SLC2A9: variants seen among roughly 807,000 people sequenced by gnomAD.
SLC2A9 encodes solute carrier family 2 member 9.
A neutral mutation model predicts 50.6 loss-of-function variants in SLC2A9; 39 were observed. The ratio of observed to expected loss-of-function variants is 0.77; its 90% CI spans 0.60 to 1.01. SLC2A9 has a LOEUF of 1.01. Ranked by LOEUF, SLC2A9 falls within the 50% of genes least tolerant of loss-of-function variation. The pLI, the probability that SLC2A9 is intolerant of heterozygous loss-of-function variation, is 0.00. For missense variants in SLC2A9, 686 were observed against 677.6 expected, an observed-to-expected ratio of 1.01 and a Z score of -0.14; for synonymous variants, 324 against 276.9, an observed-to-expected ratio of 1.17 and a Z score of -1.69.
chr4:9,898,423 A>T (rs1212834874), intron 8 of SLC2A9, among the ~76,000 whole-genome samples: 1 of 152,254 alleles, frequency 6.6e-6, no homozygotes, highest in African/African-American at 2.4e-5. Flanking sequence ...CTTTCATATT[A>T]TTTCACATAC....
chr4:9,829,144 CT>C (rs1388873954), intron 11 of SLC2A9, among the ~76,000 whole-genome samples: 1 of 152,194 alleles, frequency 6.6e-6, no homozygotes, highest in Non-Finnish European at 1.5e-5. Flanking sequence ...TAGCTCACAC[CT>C]GTAATCCCAG....
At chr4:10,013,931 AC>A (rs58289558) in intron 2 of SLC2A9, among the ~76,000 whole-genome samples, 2,540 of 151,826 alleles carry the variant, frequency 0.017, 59 homozygotes, top group African/African-American at 0.057. Flanking sequence ...TCCACACACC[AC>A]CCCCTGGTGG....
At chr4:9,880,226 T>G in intron 10 of SLC2A9, 1 of 985,480 alleles carries the variant, frequency 1.0e-6, no homozygotes, top group Non-Finnish European at 1.2e-6. Flanking sequence ...AACTGTACAC[T>G]CTCAATGTGA....
chr4:10,005,522 A>C (rs547320075), intron 2 of SLC2A9, among the ~76,000 whole-genome samples: 4 of 152,356 alleles, frequency 2.6e-5, no homozygotes, highest in Non-Finnish European at 5.9e-5. Context: ...TGTGAAGGAC[A>C]TTTCAGGGAT....
intron 1 of SLC2A9, among the ~76,000 whole-genome samples, chr4:9,771,902 G>T (rs1716874711): frequency 6.6e-6 from 1 of 152,228 alleles, no homozygotes; most frequent in Non-Finnish European, 1.5e-5. Context: ...GAACTAGGCT[G>T]GGAGAAGAGG....
intron 5 of SLC2A9, among the ~76,000 whole-genome samples, chr4:9,947,985 G>T (rs1322090504): frequency 1.3e-5 from 2 of 152,058 alleles, no homozygotes; most frequent in African/African-American, 4.8e-5. Context: ...TTCAGATAAG[G>T]TTGCCTCCAT....
At chr4:10,020,692 C>T (rs1002730808) in intron 1 of SLC2A9, among the ~76,000 whole-genome samples, 2 of 152,200 alleles carry the variant, frequency 1.3e-5, no homozygotes, top group African/African-American at 2.4e-5. Flanking sequence ...TGCTGGGCAT[C>T]GTTTCTGTGC....
chr4:9,786,859 G>A (rs1412925699), intron 3 of SLC2A9, among the ~76,000 whole-genome samples: 2 of 152,196 alleles, frequency 1.3e-5, no homozygotes, highest in East Asian at 3.8e-4. Context: ...GGTGTCAGGT[G>A]CTCCTGCCAT....
intron 1 of SLC2A9, among the ~76,000 whole-genome samples, chr4:9,772,631 C>T (rs1716974194): frequency 6.6e-6 from 1 of 152,204 alleles, no homozygotes. Context: ...GGCTTCCCAG[C>T]TGACTGCAAA....
chr4:9,943,364 C>T (rs1027023927), intron 5 of SLC2A9, among the ~76,000 whole-genome samples: 1 of 152,224 alleles, frequency 6.6e-6, no homozygotes, highest in Non-Finnish European at 1.5e-5. Context: ...CCTCTGGTTC[C>T]GCCAGCCAGC....
At chr4:9,946,634 C>T (rs1749214662) in intron 5 of SLC2A9, among the ~76,000 whole-genome samples, 1 of 152,204 alleles carries the variant, frequency 6.6e-6, no homozygotes, top group African/African-American at 2.4e-5. Flanking sequence ...TATATTTCTT[C>T]ATATTTAGGC....
At chr4:9,809,905 G>A (rs1166309951) in intron 3 of SLC2A9, among the ~76,000 whole-genome samples, 2 of 150,140 alleles carry the variant, frequency 1.3e-5, no homozygotes, top group Admixed American at 6.6e-5. Context: ...CTCCGGTCTA[G>A]ACAGATGCAT....
chr4:9,876,440 A>T (rs963087305), intron 10 of SLC2A9, among the ~76,000 whole-genome samples: 1 of 152,170 alleles, frequency 6.6e-6, no homozygotes, highest in Non-Finnish European at 1.5e-5. Flanking sequence ...AAAAAAATTT[A>T]AAAAGTAGCC....
intron 5 of SLC2A9, among the ~76,000 whole-genome samples, chr4:9,957,399 C>T (rs2108896877): frequency 6.6e-6 from 1 of 152,250 alleles, no homozygotes; most frequent in African/African-American, 2.4e-5. Flanking sequence ...GAAGCCTTGT[C>T]CCTCACCCAC....
intron 3 of SLC2A9, among the ~76,000 whole-genome samples, chr4:9,818,078 T>C (rs1485410874): frequency 6.6e-6 from 1 of 152,198 alleles, no homozygotes; most frequent in Non-Finnish European, 1.5e-5. Context: ...AGTCACCTCC[T>C]TGTCGGAGGC....
intron 6 of SLC2A9, among the ~76,000 whole-genome samples, chr4:9,920,821 C>T (rs1743800653): frequency 6.6e-6 from 1 of 152,236 alleles, no homozygotes; most frequent in Non-Finnish European, 1.5e-5. Context: ...GAACGTGGGT[C>T]TCTTGACTGT....
chr4:10,021,302 A>C lies in SLC2A9; in HGVS notation c.128T>G (p.Val43Gly). 1 of 1,613,746 alleles carries C rather than the reference A, an allele frequency of 6.2e-7. No individual in the cohort carries two copies. The highest frequency in any genetic ancestry group is 1.1e-5 in the South Asian group (1 of 91,036). Residue 43 changes from valine to glycine, a missense_variant, in exon 1 of 12, where the codon GTG becomes GGG. Physicochemically the swap from Val to Gly is moderately radical, Grantham distance 109 (BLOSUM62 -3). Transcript: ENST00000264784. ...LLECDHLRSGVPGGRRRKDWS... is the reference protein window; with the variant it reads ...LLECDHLRSGGPGGRRRKDWS... ...TACCTTTCTTCTCCTTCCACCTGGC[A>C]CCCCACTCCTCAGGTGGTCACACTC...
chr4:9,904,347 C>T (rs543556593), intron 8 of SLC2A9, among the ~76,000 whole-genome samples: 6 of 152,294 alleles, frequency 3.9e-5, no homozygotes, highest in Non-Finnish European at 7.4e-5. Flanking sequence ...CATTCCTGGG[C>T]GTGTGACCCC....
At chr4:9,866,478 T>TCTGA (rs3060766) in intron 10 of SLC2A9, among the ~76,000 whole-genome samples, 18,540 of 152,012 alleles carry the variant, frequency 0.12, 1,309 homozygotes, top group African/African-American at 0.17. Context: ...CTTCCTGCTC[T>TCTGA]CTTAGTTTTC....
Sources: gnomAD v4.1 joint callset for allele counts (sites outside exome capture counted in the v4.1 genomes callset) on GRCh38, gnomAD v4.1.1 for gene constraint, MANE v1.5 for transcripts, NCBI Gene and HGNC (gene_info 2026-07-23, HGNC 2026-07-21) for gene names.